The following AUTS2 variants were observed in gnomAD, a reference collection of about 807,000 sequenced individuals.
The protein encoded by AUTS2 is activator of transcription and developmental regulator AUTS2, also known as autism susceptibility gene 2 protein.
AUTS2 carries 17 observed loss-of-function variants against 112.4 expected under a neutral mutation model. The ratio of observed to expected loss-of-function variants is 0.15; its 90% confidence interval spans 0.10 to 0.23. The LOEUF is 0.23. Ranked by LOEUF, AUTS2 falls within the 10% of genes least tolerant of loss-of-function variation. The probability of loss-of-function intolerance (pLI) is 1.00; values close to 1 mark genes in which losing one functional copy is unlikely to be tolerated. For missense variants in AUTS2, 1,510 were observed against 1,701.6 expected, an observed-to-expected ratio of 0.89 and a Z score of 1.98; for synonymous variants, 751 against 702.7, an observed-to-expected ratio of 1.07 and a Z score of -1.09.
At chr7:70,664,093 C>T (rs757782) in intron 5 of AUTS2, among the ~76,000 whole-genome samples, 6,706 of 152,204 alleles carry the variant, frequency 0.044, 264 homozygotes, top group Middle Eastern at 0.13. Context: ...CTTTACTGTC[C>T]TTATTGACAA....
At chr7:70,092,442 T>TAC (rs1304985631) in intron 2 of AUTS2, among the ~76,000 whole-genome samples, 1 of 152,160 alleles carries the variant, frequency 6.6e-6, no homozygotes, top group Non-Finnish European at 1.5e-5. Context: ...TACATCCATA[T>TAC]ACTGGAAGTC....
At chr7:70,621,072 C>G (rs1278367373) in intron 5 of AUTS2, among the ~76,000 whole-genome samples, 2 of 151,998 alleles carry the variant, frequency 1.3e-5, no homozygotes, top group East Asian at 1.9e-4. Context: ...GAAGGAAGAG[C>G]AGCAGCTTAT....
chr7:70,513,666 C>CTTTT (rs35815016), intron 5 of AUTS2, among the ~76,000 whole-genome samples: 1 of 140,426 alleles, frequency 7.1e-6, no homozygotes, highest in Non-Finnish European at 1.6e-5. Context: ...TTTCTGTTTC[C>CTTTT]TTTTTTTTTT....
intron 5 of AUTS2, among the ~76,000 whole-genome samples, chr7:70,698,228 A>C (rs912492376): frequency 3.3e-5 from 5 of 152,240 alleles, no homozygotes; most frequent in African/African-American, 1.2e-4. Context: ...AAAACATAAC[A>C]TTTCCAAAAT....
chr7:70,467,987 T>C (rs555616601), intron 5 of AUTS2, among the ~76,000 whole-genome samples: 11 of 152,214 alleles, frequency 7.2e-5, no homozygotes, highest in South Asian at 2.1e-4. Flanking sequence ...TGAGGACTTA[T>C]CTGACATGTG....
At chr7:69,602,913 T>C (rs1238729213) in intron 1 of AUTS2, among the ~76,000 whole-genome samples, 1 of 152,246 alleles carries the variant, frequency 6.6e-6, no homozygotes, top group African/African-American at 2.4e-5. Flanking sequence ...AATTAAAACC[T>C]CTGGTGGTCC....
intron 2 of AUTS2, among the ~76,000 whole-genome samples, chr7:70,054,980 TC>T (rs1445771536): frequency 6.6e-6 from 1 of 152,122 alleles, no homozygotes; most frequent in Middle Eastern, 3.2e-3. Context: ...ATAACTTACT[TC>T]CTTTCTGAGA....
chr7:70,494,135 T>C (rs1015030971), intron 5 of AUTS2, among the ~76,000 whole-genome samples: 2 of 152,236 alleles, frequency 1.3e-5, no homozygotes, highest in Non-Finnish European at 2.9e-5. Context: ...ATTGCAGAGC[T>C]GATCTTTGTG....
At chr7:69,914,364 C>CACACAG (rs1554403921) in intron 2 of AUTS2, among the ~76,000 whole-genome samples, 74 of 145,870 alleles carry the variant, frequency 5.1e-4, no homozygotes, top group African/African-American at 1.7e-3. Context: ...CAGACACACA[C>CACACAG]ACACACACAC....
chr7:70,432,159 G>A (rs1738243165), intron 4 of AUTS2, among the ~76,000 whole-genome samples: 4 of 152,200 alleles, frequency 2.6e-5, no homozygotes, highest in African/African-American at 9.7e-5. Context: ...TGTGCAACCT[G>A]TTTGCTAATA....
chr7:70,483,761 A>G (rs557583234), intron 5 of AUTS2, among the ~76,000 whole-genome samples: 15 of 152,144 alleles, frequency 9.9e-5, no homozygotes, highest in Non-Finnish European at 1.8e-4. Flanking sequence ...TCATCAGCTC[A>G]GATAGAGCCA....
Position 70,446,285 on chromosome 7 carries a change from A to G in AUTS2, c.690+10504A>G, listed in dbSNP as rs150616695. Among the ~76,000 whole-genome samples, 88 of 152,266 alleles carry G rather than the reference A, an allele frequency of 5.8e-4. 1 individual carries two copies. The highest frequency in any genetic ancestry group is 1.9e-3 in the African/African-American group (80 of 41,554). On this transcript the variant is annotated intron_variant, in intron 5 of 18. Transcript: ENST00000342771. ...GCCATGTCCATGTTAAAGATTATGT[A>G]TTTGCCACTAAGGGGAGAATATAGT...
At chr7:70,510,458 A>C (rs1035446427) in intron 5 of AUTS2, among the ~76,000 whole-genome samples, 2 of 152,226 alleles carry the variant, frequency 1.3e-5, no homozygotes, top group African/African-American at 4.8e-5. Flanking sequence ...CCAGTAACAC[A>C]GTGGTTCTCA....
At chr7:70,350,797 A>G (rs1791715743) in intron 4 of AUTS2, among the ~76,000 whole-genome samples, 3 of 152,144 alleles carry the variant, frequency 2.0e-5, no homozygotes, top group Non-Finnish European at 2.9e-5. Flanking sequence ...ATTATTAACT[A>G]GAGTCCTCCT....
intron 2 of AUTS2, among the ~76,000 whole-genome samples, chr7:69,904,205 G>T (rs1584418957): frequency 6.6e-6 from 1 of 152,192 alleles, no homozygotes; most frequent in East Asian, 1.9e-4. Flanking sequence ...GTCTATCCCA[G>T]CCCATGCTCT....
intron 1 of AUTS2, among the ~76,000 whole-genome samples, chr7:69,679,277 G>A (rs1237234984): frequency 6.6e-6 from 1 of 152,192 alleles, no homozygotes; most frequent in African/African-American, 2.4e-5. Context: ...ATTAATGGGC[G>A]ATAGTATTGG....
chr7:70,292,122 A>G (rs1183705983), intron 4 of AUTS2: 1 of 152,210 alleles, frequency 6.6e-6, no homozygotes, highest in Non-Finnish European at 1.5e-5. Context: ...CTTTGCTTCC[A>G]TGATGAGCAT....
intron 5 of AUTS2, among the ~76,000 whole-genome samples, chr7:70,548,287 A>G (rs1800871701): frequency 6.6e-6 from 1 of 152,160 alleles, no homozygotes; most frequent in Non-Finnish European, 1.5e-5. Flanking sequence ...ATAGACTTGT[A>G]AGAATTCTGT....
At chr7:69,631,366 C>G (rs1052541011) in intron 1 of AUTS2, among the ~76,000 whole-genome samples, 6 of 152,118 alleles carry the variant, frequency 3.9e-5, no homozygotes, top group African/African-American at 1.4e-4. Context: ...TACCTGTTTT[C>G]TGTCCTACTT....
Sources: gnomAD v4.1 joint callset for allele counts (sites outside exome capture counted in the v4.1 genomes callset) on GRCh38, gnomAD v4.1.1 for gene constraint, MANE v1.5 for transcripts, NCBI Gene and HGNC (gene_info 2026-07-23, HGNC 2026-07-21) for gene names.